The following TMEM132E variants were observed in gnomAD, a reference collection of about 807,000 sequenced individuals.
The protein encoded by TMEM132E is transmembrane protein 132E.
Under a neutral mutation model 78.5 loss-of-function variants are expected in TMEM132E, and 49 were observed. The ratio of observed to expected loss-of-function variants is 0.62; its 90% CI spans 0.50 to 0.79. The LOEUF is 0.79. Ranked by LOEUF, TMEM132E falls within the 30% of genes least tolerant of loss-of-function variation. The probability of loss-of-function intolerance (pLI) is 0.00; values close to 1 mark genes in which losing one functional copy is unlikely to be tolerated. For synonymous variants in TMEM132E, 715 were observed against 670.6 expected, an observed-to-expected ratio of 1.07 and a Z score of -1.02; for missense variants, 1,403 against 1,470.9, an observed-to-expected ratio of 0.95 and a Z score of 0.75.
chr17:34,603,947 C>G (rs1019047379), intron 1 of TMEM132E, among the ~76,000 whole-genome samples: 5 of 152,112 alleles, frequency 3.3e-5, no homozygotes, highest in African/African-American at 1.2e-4. Flanking sequence ...CTCAATGGAG[C>G]CACCCTCCCT....
chr17:34,605,255 G>A (rs1906375369), intron 1 of TMEM132E, among the ~76,000 whole-genome samples: 1 of 152,190 alleles, frequency 6.6e-6, no homozygotes, highest in Admixed American at 6.5e-5. Flanking sequence ...AATAAGTGAG[G>A]CTCAGCCCAG....
chr17:34,618,900 A>C (rs1906866382), intron 1 of TMEM132E, among the ~76,000 whole-genome samples: 1 of 152,224 alleles, frequency 6.6e-6, no homozygotes, highest in African/African-American at 2.4e-5. Context: ...TTTGCCAATC[A>C]GCCAAGGAAG....
At chr17:34,625,265 A>T (rs936570537) in intron 1 of TMEM132E, among the ~76,000 whole-genome samples, 1 of 152,086 alleles carries the variant, frequency 6.6e-6, no homozygotes, top group South Asian at 2.1e-4. Context: ...GTGGGTAGGG[A>T]GAGGCAGTTA....
chr17:34,614,019 C>CA (rs1399724886), intron 1 of TMEM132E, among the ~76,000 whole-genome samples: 1 of 152,212 alleles, frequency 6.6e-6, no homozygotes, highest in Non-Finnish European at 1.5e-5. Context: ...TTGTTCCCCC[C>CA]TTCCCTCGTG....
chr17:34,600,065 C>G (rs1227428498), intron 1 of TMEM132E, among the ~76,000 whole-genome samples: 4 of 152,130 alleles, frequency 2.6e-5, no homozygotes, highest in Admixed American at 6.5e-5. Flanking sequence ...ATAGGTATGT[C>G]CTATTTTTAA....
intron 1 of TMEM132E, among the ~76,000 whole-genome samples, chr17:34,599,267 A>C (rs1906154818): frequency 1.3e-5 from 2 of 152,194 alleles, no homozygotes; most frequent in African/African-American, 4.8e-5. Flanking sequence ...TCAGATTAGG[A>C]TGCATTCTAG....
rs1465047952 is a variant in TMEM132E, at chr17:34,637,955, T to G, written c.2948T>G (p.Val983Gly). Residue 983 changes from valine to glycine, a missense_variant, in exon 9 of 9, where the codon GTG becomes GGG. Transcript: ENST00000631683. ...GSSQTSVQSQ[V>G]HGRGDGSSGG... Reference sequence around the variant, plus strand: ...TCGCAGACCAGCGTCCAGAGCCAGGTGCACGGCAGGGGCGACGGCTCCTCG... The same window carrying G: ...TCGCAGACCAGCGTCCAGAGCCAGGGGCACGGCAGGGGCGACGGCTCCTCG... 1 of 1,605,294 alleles carries G rather than the reference T, an allele frequency of 6.2e-7. No homozygotes were observed. Among genetic ancestry groups the G allele is most frequent in the African/African-American group, 1.3e-5 (1 of 74,786 alleles).
At chr17:34,610,840 T>C (rs1906567629) in intron 1 of TMEM132E, among the ~76,000 whole-genome samples, 1 of 152,248 alleles carries the variant, frequency 6.6e-6, no homozygotes, top group South Asian at 2.1e-4. Context: ...TGAAAACTCC[T>C]GAAAAAGTCG....
At position 34,580,976 on chromosome 17, in the gene TMEM132E, G is replaced by A; in HGVS notation, c.-101G>A. ...CCCGGAGCTGCATCTGAGACAGCCG[G>A]GCGCCACGGCAGCCCTGAGTTGGAT... On this transcript the variant is annotated 5_prime_UTR_variant, in exon 1 of 9. Transcript: ENST00000631683. 1 of 928,732 alleles carries A rather than the reference G, an allele frequency of 1.1e-6. No homozygotes were observed. Among genetic ancestry groups the A allele is most frequent in the Non-Finnish European group, 1.5e-6 (1 of 645,570 alleles). The allele number at this position is 928,732 out of a possible 1,614,324, so 57.5% of individuals were successfully genotyped here. A position where few individuals can be genotyped will look rare whatever the true frequency, so the allele number is the denominator to read the frequency against.
intron 1 of TMEM132E, among the ~76,000 whole-genome samples, chr17:34,597,015 G>A (rs745493682): frequency 3.3e-5 from 5 of 151,970 alleles, no homozygotes; most frequent in Non-Finnish European, 5.9e-5. Context: ...AGCTAGGAAG[G>A]GGGAGCTATG....
intron 8 of TMEM132E, 36 bp downstream of exon 8, chr17:34,636,234 G>A: frequency 7.0e-7 from 1 of 1,418,948 alleles, no homozygotes; most frequent in Non-Finnish European, 9.3e-7. Context: ...CAGGGAGTTG[G>A]TGGTATGGAA....
intron 1 of TMEM132E, among the ~76,000 whole-genome samples, chr17:34,600,717 A>G (rs1003654985): frequency 6.6e-6 from 1 of 152,194 alleles, no homozygotes; most frequent in Non-Finnish European, 1.5e-5. Flanking sequence ...GCCCCGGCAG[A>G]ACTGGCAGTC....
chr17:34,596,819 C>G (rs1906074101), intron 1 of TMEM132E, among the ~76,000 whole-genome samples: 1 of 147,176 alleles, frequency 6.8e-6, no homozygotes, highest in South Asian at 2.1e-4. Context: ...CTAAATGGCC[C>G]CTAAATGATT....
At chr17:34,613,073 A>G (rs1906644641) in intron 1 of TMEM132E, among the ~76,000 whole-genome samples, 1 of 150,856 alleles carries the variant, frequency 6.6e-6, no homozygotes, top group Non-Finnish European at 1.5e-5. Context: ...GTGGTTCCCC[A>G]GCTTCCCCCA....
chr17:34,619,302 G>A (rs776063025), intron 1 of TMEM132E, among the ~76,000 whole-genome samples: 3 of 151,654 alleles, frequency 2.0e-5, no homozygotes, highest in Admixed American at 2.0e-4. Flanking sequence ...CAACGCCAAC[G>A]TTATGCTGCG....
rs1360182989 is a variant in TMEM132E at position 34,626,933 on chromosome 17, A to G, written c.874A>G (p.Ser292Gly). The G allele has an allele frequency of 6.2e-7, 1 of 1,613,732 alleles. No individual in the cohort carries two copies. Among genetic ancestry groups the G allele is most frequent in the Admixed American group, 1.7e-5 (1 of 60,032 alleles). ...RRTLQEHRLDSNLMIRLPDRP... is the reference protein window; with the variant it reads ...RRTLQEHRLDGNLMIRLPDRP... ...GACCCTGCAGGAGCACAGGCTGGAC[A>G]GCAACCTGATGATCCGCCTGCCAGA... Residue 292 changes from serine to glycine, a missense_variant, in exon 2 of 9, where the codon AGC (serine) becomes GGC (glycine). Around this residue, in one of 3 missense-constraint regions of TMEM132E, gnomAD observed 511 missense variants for 499.0 expected, o/e 1.02. Coordinates refer to ENST00000631683, the MANE Select transcript of TMEM132E (RefSeq NM_001304438.2).
intron 1 of TMEM132E, among the ~76,000 whole-genome samples, chr17:34,594,449 T>C (rs1053429741): frequency 3.3e-5 from 5 of 152,244 alleles, no homozygotes; most frequent in South Asian, 2.1e-4. Context: ...TGTGGCTCCG[T>C]TTCCACGTTT....
Position 34,626,818 on chromosome 17 carries a change from G to GC in TMEM132E, c.762dup (p.Gly255ArgfsTer142). 1.9e-6 allele frequency: 3 copies of GC among 1,539,774 alleles called. No individual in the cohort carries two copies. The highest frequency in any genetic ancestry group is 2.6e-6 in the Non-Finnish European group (3 of 1,148,264). On this transcript the variant is annotated frameshift_variant, in exon 2 of 9. Transcript: ENST00000631683. LOFTEE classifies it high-confidence loss of function. ...GCGGGGGCTCCCGCCGGGGGGCCGG[G>GC]CCCGGGGTGGGGGCCCGAGCGGAAA...
chr17:34,628,672 G>A lies in TMEM132E; in HGVS notation c.1108G>A (p.Asp370Asn), dbSNP rs766676060. 10 of 1,612,378 alleles carry A rather than the reference G, an allele frequency of 6.2e-6. No individual in the cohort carries two copies. Among genetic ancestry groups the A allele is most frequent in the Admixed American group, 1.7e-5 (1 of 59,822 alleles). Residue 370 changes from aspartate to asparagine, a missense_variant, in exon 3 of 9, where the codon GAT becomes AAT. Asp to Asn is a conservative substitution (Grantham distance 23, BLOSUM62 1). This residue lies in a region of TMEM132E where 888 missense variants were observed against 952.8 expected (regional missense o/e 0.93). Coordinates refer to ENST00000631683, the MANE Select transcript of TMEM132E (RefSeq NM_001304438.2). ...GGCAAAGCACTCAACAGCCACCGTG[G>A]ATGTGGCCTGGGCTCAGAGCACACC... ...TGAKHSTATV[D>N]VAWAQSTPLP...
Sources: gnomAD v4.1 joint callset for allele counts (sites outside exome capture counted in the v4.1 genomes callset) on GRCh38, gnomAD v4.1.1 for gene constraint, gnomAD v4.1.1 regional missense constraint, MANE v1.5 for transcripts, NCBI Gene and HGNC (gene_info 2026-07-23, HGNC 2026-07-21) for gene names.